ARL2: variants seen among roughly 807,000 people sequenced by gnomAD.
The protein encoded by ARL2 is ADP-ribosylation factor-like protein 2.
Under a neutral mutation model 22.0 loss-of-function variants are expected in ARL2, and 11 were observed. The observed-to-expected ratio is 0.50, with a 90% CI of 0.31 to 0.83. The LOEUF is 0.83. ARL2 is among the 40% of genes least tolerant of loss of function. ARL2 has a pLI of 0.04. For missense variants in ARL2, 216 were observed against 243.2 expected (o/e 0.89, Z 0.74); for synonymous variants, 111 against 100.8 (o/e 1.10, Z -0.61).
chr11:65,014,360 G>A, intron 1 of ARL2, 88 bp downstream of exon 1: 2 of 1,161,704 alleles, frequency 1.7e-6, no homozygotes, highest in South Asian at 3.2e-5. Flanking sequence ...GCGGAACGCG[G>A]CGGCCGGCGC....
At chr11:65,020,785 C>T (rs1420610422) in intron 4 of ARL2, among the ~76,000 whole-genome samples, 3 of 150,704 alleles carry the variant, frequency 2.0e-5, no homozygotes, top group African/African-American at 7.4e-5. Context: ...AGGAGAATCG[C>T]TTGAACCCAG....
chr11:65,017,353 G>A (rs563976344), intron 1 of ARL2, among the ~76,000 whole-genome samples: 1 of 151,818 alleles, frequency 6.6e-6, no homozygotes, highest in Non-Finnish European at 1.5e-5. Context: ...CCGCCACCAC[G>A]CCTGGCTGAT....
At chr11:65,021,612 A>T in intron 4 of ARL2, 109 bp from the exon 5 acceptor site, 1 of 1,363,006 alleles carries the variant, frequency 7.3e-7, no homozygotes, top group Non-Finnish European at 9.8e-7. Flanking sequence ...GACATGGAGC[A>T]GGGCCTTGAG....
chr11:65,015,736 CAT>C (rs1428009069), intron 1 of ARL2, among the ~76,000 whole-genome samples: 2 of 152,048 alleles, frequency 1.3e-5, no homozygotes, highest in African/African-American at 2.4e-5. Flanking sequence ...GCCTGGGCAA[CAT>C]AGTGAGACTC....
At chr11:65,016,882 G>A (rs1190028455) in intron 1 of ARL2, among the ~76,000 whole-genome samples, 1 of 152,106 alleles carries the variant, frequency 6.6e-6, no homozygotes, top group African/African-American at 2.4e-5. Context: ...ACCAGGTGAG[G>A]GTGTGTCCCA....
rs1255728013 is a variant in ARL2 at position 65,018,489 on chromosome 11, C to T, written c.176+15C>T. ...GAGCACCGAGGGTGAGCAGGGGCCC[C>T]ATGGGAGGGCCAGCCCAGAGCAGGG... On this transcript the variant is annotated intron_variant, in intron 2 of 4. Transcript: ENST00000246747. This position sits in a 1 kb window ranked among gnomAD's most constrained non-coding sequence, Gnocchi z 4.2. 1 of 1,604,724 alleles carries T rather than the reference C, an allele frequency of 6.2e-7. No individual in the cohort carries two copies. The highest frequency in any genetic ancestry group is 8.5e-7 in the Non-Finnish European group (1 of 1,175,824).
At position 65,018,382 on chromosome 11, in the gene ARL2, A is replaced by G; in HGVS notation, c.84A>G (p.Gly28=). ...RLLMLGLDNA[G]KTTILKKFNG... ...GCCCCAGTGGCCTGGACAATGCTGG[A>G]AAGACAACCATCCTGAAGAAGTTCA... Residue 28 remains glycine, a synonymous_variant, in exon 2 of 5, where the codon GGA becomes GGG. Transcript: ENST00000246747. This position sits in a 1 kb window ranked among gnomAD's most constrained non-coding sequence, Gnocchi z 4.2. 6.2e-7 allele frequency: 1 copy of G among 1,605,994 alleles called. No individual in the cohort carries two copies. Among genetic ancestry groups the G allele is most frequent in the Non-Finnish European group, 8.5e-7 (1 of 1,176,826 alleles).
chr11:65,018,825 CAG>C lies in ARL2; in HGVS notation c.339+95_339+96del. The C allele has an allele frequency of 6.4e-7, 1 of 1,565,662 alleles. No individual in the cohort carries two copies. The highest frequency in any genetic ancestry group is 8.6e-7 in the Non-Finnish European group (1 of 1,161,356). On this transcript the variant is annotated intron_variant, in intron 3 of 4. Coordinates refer to ENST00000246747, the MANE Select transcript of ARL2 (RefSeq NM_001667.4). This position sits in a 1 kb window ranked among gnomAD's most constrained non-coding sequence, Gnocchi z 4.2. ...GGGGCCCGTGGCCCCAGAGGGAAAC[CAG>C]AGGCAGGATCCCTTCCTTCTCTGGG...
At chr11:65,021,285 G>A (rs1398536172) in intron 4 of ARL2, among the ~76,000 whole-genome samples, 1 of 152,218 alleles carries the variant, frequency 6.6e-6, no homozygotes, top group Non-Finnish European at 1.5e-5. Context: ...CAGTGAGAAA[G>A]AGCAGGGTTA....
rs1013451285 is a variant in ARL2 at position 65,021,515 on chromosome 11, C to G, written c.421-206C>G. 8 of 538,874 alleles carry G rather than the reference C, an allele frequency of 1.5e-5. No homozygotes were observed. In the African/African-American group the frequency reaches 1.5e-4, roughly 10 times the overall value. The allele number at this position is 538,874 out of a possible 1,614,324, so 33.4% of individuals were successfully genotyped here. On this transcript the variant is annotated intron_variant, in intron 4 of 4. Coordinates refer to ENST00000246747, the MANE Select transcript of ARL2 (RefSeq NM_001667.4). ...CTGCATTTACATCACTAAGGGGCAG[C>G]ACTGGCATGGAACTGGACAGAGAGC...
At position 65,018,535 on chromosome 11, in the gene ARL2, C is replaced by A. The variant is rs1374538032; in HGVS notation, c.177-36C>A. On this transcript the variant is annotated intron_variant, in intron 2 of 4. Coordinates refer to ENST00000246747, the MANE Select transcript of ARL2 (RefSeq NM_001667.4). This position sits in a 1 kb window ranked among gnomAD's most constrained non-coding sequence, Gnocchi z 4.2. ...CAGGGCAGGGAAGGTGGGAGAGGGG[C>A]CCAGCTGACCCTCCTGTCACCCGCT... 6.2e-7 allele frequency: 1 copy of A among 1,600,562 alleles called. No individual in the cohort carries two copies. The highest frequency in any genetic ancestry group is 1.1e-5 in the South Asian group (1 of 89,082).
Position 65,022,086 on chromosome 11 carries a change from A to G in ARL2, c.*231A>G. On this transcript the variant is annotated 3_prime_UTR_variant, in exon 5 of 5. Transcript: ENST00000246747. ...GACCTGGCCTTTGGCTACCATACCAAGAAGAGAGGGCTGGGCGGGGAGGAG... is the reference window on the plus strand; with the variant it reads ...GACCTGGCCTTTGGCTACCATACCAGGAAGAGAGGGCTGGGCGGGGAGGAG... 1 of 571,498 alleles carries G rather than the reference A, an allele frequency of 1.7e-6. No homozygotes were observed. Among genetic ancestry groups the G allele is most frequent in the South Asian group, 2.3e-5 (1 of 43,474 alleles). 35.4% of individuals were successfully genotyped at this position (571,498 alleles called of 1,614,324 possible). A position where few individuals can be genotyped will look rare whatever the true frequency, so the allele number is the denominator to read the frequency against.
intron 4 of ARL2, 122 bp from the exon 5 acceptor site, chr11:65,021,599 G>A: frequency 7.7e-7 from 1 of 1,295,184 alleles, no homozygotes; most frequent in South Asian, 1.5e-5. Context: ...TCCTGGATGG[G>A]ATGACATGGA....
At chr11:65,020,964 G>A (rs1946321263) in intron 4 of ARL2, among the ~76,000 whole-genome samples, 1 of 152,228 alleles carries the variant, frequency 6.6e-6, no homozygotes, top group Non-Finnish European at 1.5e-5. Flanking sequence ...CAGGGCACTG[G>A]GGATCCAGTG....
chr11:65,015,403 C>T (rs1346050941), intron 1 of ARL2, among the ~76,000 whole-genome samples: 1 of 152,250 alleles, frequency 6.6e-6, no homozygotes, highest in Non-Finnish European at 1.5e-5. Context: ...GGGCGTGAGC[C>T]ACTGCGCCGG....
In ARL2 at chr11:65,017,296, A is replaced by G. The variant is rs551092049; in HGVS notation, c.66-1068A>G. Among the ~76,000 whole-genome samples, 68 of 151,748 alleles carry G rather than the reference A, an allele frequency of 4.5e-4. 1 individual carries two copies. The highest frequency in any genetic ancestry group is 4.3e-3 in the Admixed American group (66 of 15,222). On this transcript the variant is annotated intron_variant, in intron 1 of 4. Coordinates refer to ENST00000246747, the MANE Select transcript of ARL2 (RefSeq NM_001667.4). ...TTGCAACCTCTGCCTGCCGGGTTCAAGCAATTCTCCTGTCTCAGCCTCCCG... is the reference window on the plus strand; with the variant it reads ...TTGCAACCTCTGCCTGCCGGGTTCAGGCAATTCTCCTGTCTCAGCCTCCCG...
Position 65,020,434 on chromosome 11 carries a change from A to G in ARL2, c.355A>G (p.Thr119Ala). 3.1e-6 allele frequency: 5 copies of G among 1,612,754 alleles called. No homozygotes were observed. The highest frequency in any genetic ancestry group is 2.2e-5 in the South Asian group (2 of 90,710). Residue 119 changes from threonine (T) to alanine (A), a missense_variant, in exon 4 of 5, where the codon ACC (threonine) becomes GCC (alanine). Thr to Ala is a moderately conservative substitution (Grantham distance 58). Transcript: ENST00000246747. ...LLVEERLAGA[T>A]LLIFANKQDL... Reference sequence around the variant, plus strand: ...TCTCCCCCAGCGCCTGGCCGGAGCAACCCTCCTCATCTTTGCTAATAAGCA... The same window carrying G: ...TCTCCCCCAGCGCCTGGCCGGAGCAGCCCTCCTCATCTTTGCTAATAAGCA...
chr11:65,017,204 T>C (rs544322777), intron 1 of ARL2, among the ~76,000 whole-genome samples: 1 of 152,058 alleles, frequency 6.6e-6, no homozygotes, highest in East Asian at 1.9e-4. Flanking sequence ...GCTCTTTTTT[T>C]TTTTTTAATC....
chr11:65,019,659 C>T (rs1002711662), intron 3 of ARL2: 1 of 152,628 alleles, frequency 6.6e-6, no homozygotes, highest in Admixed American at 6.5e-5. Flanking sequence ...AATAAATCAA[C>T]ACTGGTGAAT....
Sources: allele counts gnomAD v4.1 joint callset (sites outside exome capture counted in the v4.1 genomes callset), GRCh38; gene constraint gnomAD v4.1.1; non-coding constraint Gnocchi (gnomAD v3.1); transcripts MANE v1.5; gene names NCBI Gene and HGNC (gene_info 2026-07-23, HGNC 2026-07-21).